PIBF1: variants seen among roughly 807,000 people sequenced by gnomAD.
PIBF1 encodes the protein progesterone immunomodulatory binding factor 1.
In PIBF1, 90 loss-of-function variants were observed where a neutral mutation model predicts 112.5. That is an observed-to-expected ratio of 0.80 (90% CI 0.67 to 0.95). The LOEUF (loss-of-function observed/expected upper bound fraction) is 0.95, where lower values mean the gene tolerates loss of function less well. Ranked by LOEUF, PIBF1 falls within the 40% of genes least tolerant of loss-of-function variation. The pLI is 0.00. For synonymous variants in PIBF1, 301 were observed against 288.6 expected, an observed-to-expected ratio of 1.04 and a Z score of -0.44; for missense variants, 915 against 852.3, an observed-to-expected ratio of 1.07 and a Z score of -0.92.
intron 5 of PIBF1, among the ~76,000 whole-genome samples, chr13:72,800,747 A>G (rs1440937318): frequency 6.6e-6 from 1 of 152,254 alleles, no homozygotes. Context: ...TGTGAGATGT[A>G]TATTGTATTT....
At position 72,872,059 on chromosome 13, in the gene PIBF1, A is replaced by G. The variant is rs184800996; in HGVS notation, c.1322+17904A>G. Among the ~76,000 whole-genome samples the G allele has an allele frequency of 4.4e-3, 674 of 152,216 alleles. 8 individuals are homozygous for G. The highest frequency in any genetic ancestry group is 0.014 in the African/African-American group (592 of 41,558). On this transcript the variant is annotated intron_variant, in intron 10 of 17. Transcript: ENST00000326291. ...CCTAGGAGGTTATGATACTGGCTCT[A>G]TTGTTCCTGGGTGCATGACTTCAGG...
Position 72,908,706 on chromosome 13 carries a change from G to T in PIBF1, c.1639+25G>T, listed in dbSNP as rs368094110. On this transcript the variant is annotated intron_variant, in intron 12 of 17. Coordinates refer to ENST00000326291, the MANE Select transcript of PIBF1 (RefSeq NM_006346.4). ...AGTAAGTCTTCCCCCACACACACAT[G>T]CACAACTTTTTTTTTTCTGGCAACA... The T allele has an allele frequency of 7.6e-6, 12 of 1,576,742 alleles. No individual in the cohort carries two copies. The African/African-American group carries it at 1.7e-4, about 22-fold the overall frequency.
chr13:72,916,414 A>ATATT lies in PIBF1; in HGVS notation c.1640-661_1640-660insATTT, dbSNP rs367708260. Among the ~76,000 whole-genome samples the ATATT allele has an allele frequency of 1.2e-3, 175 of 149,016 alleles. 3 individuals are homozygous for ATATT. Among genetic ancestry groups the ATATT allele is most frequent in the African/African-American group, 3.7e-3 (147 of 40,188 alleles). On this transcript the variant is annotated intron_variant, in intron 12 of 17. Transcript: ENST00000326291. ...TCTCAAAAAATATATATATATATAT[A>ATATT]TTTTTTTAATCCCAACTTGCAGTAA...
At chr13:72,850,678 A>G (rs937723984) in intron 9 of PIBF1, among the ~76,000 whole-genome samples, 1 of 152,236 alleles carries the variant, frequency 6.6e-6, no homozygotes, top group African/African-American at 2.4e-5. Context: ...AGAAATGAAC[A>G]TTGAAACCAA....
intron 13 of PIBF1, among the ~76,000 whole-genome samples, chr13:72,928,929 C>T (rs1021891789): frequency 4.6e-5 from 7 of 152,138 alleles, no homozygotes; most frequent in Non-Finnish European, 8.8e-5. Context: ...AATATGTGAC[C>T]TCTGCATCTC....
chr13:72,984,883 A>G (rs910304470), intron 16 of PIBF1, among the ~76,000 whole-genome samples: 9 of 152,190 alleles, frequency 5.9e-5, no homozygotes, highest in Non-Finnish European at 1.3e-4. Context: ...CTGTGCATAT[A>G]TACCCTTTTA....
intron 6 of PIBF1, among the ~76,000 whole-genome samples, chr13:72,823,535 T>G (rs907713689): frequency 6.6e-6 from 1 of 152,044 alleles, no homozygotes; most frequent in Non-Finnish European, 1.5e-5. Context: ...GGTCATAAAA[T>G]ATAAGATAAA....
intron 14 of PIBF1, among the ~76,000 whole-genome samples, chr13:72,950,674 T>C (rs2042271217): frequency 6.6e-6 from 1 of 152,320 alleles, no homozygotes; most frequent in African/African-American, 2.4e-5. Context: ...TAATATCAAA[T>C]TCATTCTTTC....
chr13:72,832,162 T>C (rs1240637181), intron 8 of PIBF1, among the ~76,000 whole-genome samples: 3 of 148,166 alleles, frequency 2.0e-5, no homozygotes, highest in African/African-American at 5.0e-5. Flanking sequence ...ATATGTGTCT[T>C]TGCAAATGAG....
At chr13:72,911,953 C>T (rs2040908496) in intron 12 of PIBF1, among the ~76,000 whole-genome samples, 1 of 148,896 alleles carries the variant, frequency 6.7e-6, no homozygotes, top group Non-Finnish European at 1.5e-5. Context: ...TGGTGAGACC[C>T]CATCTCTAGA....
chr13:72,812,678 G>A (rs1187795381), intron 5 of PIBF1, among the ~76,000 whole-genome samples: 1 of 152,076 alleles, frequency 6.6e-6, no homozygotes, highest in Non-Finnish European at 1.5e-5. Flanking sequence ...CAGCTACTCG[G>A]GAGGCTGAGA....
At chr13:72,928,549 C>T (rs975588171) in intron 13 of PIBF1, among the ~76,000 whole-genome samples, 12 of 152,166 alleles carry the variant, frequency 7.9e-5, no homozygotes, top group African/African-American at 2.2e-4. Context: ...AAGCGATTCT[C>T]CTGCCTCAGC....
At chr13:72,966,072 A>G (rs147218581) in intron 15 of PIBF1, among the ~76,000 whole-genome samples, 36 of 152,314 alleles carry the variant, frequency 2.4e-4, no homozygotes, top group African/African-American at 6.5e-4. Flanking sequence ...CAAGATTATA[A>G]GAATAATTTA....
At chr13:72,970,297 A>G (rs139642146) in intron 15 of PIBF1, among the ~76,000 whole-genome samples, 1 of 152,314 alleles carries the variant, frequency 6.6e-6, no homozygotes, top group East Asian at 1.9e-4. Context: ...TTATAAAAAT[A>G]GTACTGTTAA....
At chr13:72,972,179 G>T (rs537704934) in intron 15 of PIBF1, among the ~76,000 whole-genome samples, 1 of 151,548 alleles carries the variant, frequency 6.6e-6, no homozygotes, top group African/African-American at 2.4e-5. Context: ...GACTAAAGGT[G>T]CATGTCTCCA....
At chr13:72,940,626 T>C (rs983659221) in intron 14 of PIBF1, among the ~76,000 whole-genome samples, 1 of 152,192 alleles carries the variant, frequency 6.6e-6, no homozygotes, top group Admixed American at 6.6e-5. Context: ...TATGTTTTTG[T>C]TAGCTTTGTT....
intron 16 of PIBF1, among the ~76,000 whole-genome samples, chr13:72,975,893 CCATT>C (rs755696358): frequency 5.3e-5 from 8 of 152,104 alleles, no homozygotes; most frequent in African/African-American, 7.2e-5. Context: ...CTACAGATGA[CCATT>C]CAGCCATATC....
At chr13:72,928,164 TATC>T (rs1773466446) in intron 13 of PIBF1, among the ~76,000 whole-genome samples, 1 of 151,116 alleles carries the variant, frequency 6.6e-6, no homozygotes, top group South Asian at 2.1e-4. Flanking sequence ...TCTACATTAT[TATC>T]ATTATGCATC....
intron 16 of PIBF1, among the ~76,000 whole-genome samples, chr13:72,985,371 CAAAAAAAAAAAAA>C (rs67195605): frequency 6.6e-5 from 5 of 76,274 alleles, no homozygotes; most frequent in African/African-American, 2.8e-4. Context: ...ACTAAAAATA[CAAAAAAAAAAAAA>C]AAAAAAAAAG....
Sources: gnomAD v4.1 joint callset for allele counts (sites outside exome capture counted in the v4.1 genomes callset) on GRCh38, gnomAD v4.1.1 for gene constraint, MANE v1.5 for transcripts, NCBI Gene and HGNC (gene_info 2026-07-23, HGNC 2026-07-21) for gene names.